The following C2orf49 variants were observed in gnomAD, a reference collection of about 807,000 sequenced individuals.
The protein encoded by C2orf49 is tRNA splicing ligase complex subunit 2, also known as tRNA-splicing ligase complex subunit ASW.
In C2orf49, 11 loss-of-function variants were observed where a neutral mutation model predicts 20.6. The ratio of observed to expected loss-of-function variants is 0.53; its 90% CI spans 0.34 to 0.88. C2orf49 has a LOEUF of 0.88. Among genes scored for constraint, C2orf49 ranks in the 40% least tolerant of loss-of-function variants. C2orf49 has a pLI of 0.02. For synonymous variants in C2orf49, 134 were observed against 108.5 expected (o/e 1.24, Z -1.46); for missense variants, 289 against 274.2 (o/e 1.05, Z -0.38).
the C2orf49 span, among the ~76,000 whole-genome samples, chr2:105,381,009 G>A: frequency 6.6e-6 from 1 of 152,086 alleles, no homozygotes; most frequent in African/African-American, 2.4e-5. Context: ...CTGAGCTTTA[G>A]TGGCAAGTGG....
At chr2:105,343,697 C>G (rs1679735206) in intron 3 of C2orf49, among the ~76,000 whole-genome samples, 1 of 152,136 alleles carries the variant, frequency 6.6e-6, no homozygotes, top group African/African-American at 2.4e-5. Flanking sequence ...CTTGCCTCGC[C>G]TACTGCTCAA....
rs970880866 is a variant in C2orf49, at chr2:105,337,701, A to C, written c.99+15A>C. 12 of 58,052 alleles carry C rather than the reference A, an allele frequency of 2.1e-4. No individual in the cohort carries two copies. Among genetic ancestry groups the C allele is most frequent in the Non-Finnish European group, 3.6e-4 (12 of 33,718 alleles). 3.6% of individuals were successfully genotyped at this position (58,052 alleles called of 1,614,324 possible). Reference sequence around the variant, plus strand: ...CTCTGGAGCAGGTTGGGCGCGCCGGATCGGAGGGTGGGCGGGTGGGCCTTC... The same window carrying C: ...CTCTGGAGCAGGTTGGGCGCGCCGGCTCGGAGGGTGGGCGGGTGGGCCTTC... On this transcript the variant is annotated intron_variant, in intron 1 of 3. Transcript: ENST00000258457.
In C2orf49 at chr2:105,339,669, G is replaced by A; in HGVS notation, c.186G>A (p.Gln62=). 6.2e-7 allele frequency: 1 copy of A among 1,609,556 alleles called. No homozygotes were observed. Among genetic ancestry groups the A allele is most frequent in the Non-Finnish European group, 8.5e-7 (1 of 1,179,142 alleles). ...LYVQHAIPLP[Q]RDLPKNRWGK... ...TCCAACATGCAATACCATTGCCTCAGAGGGATTTGCCGAAGAATAGATGGG... is the reference window on the plus strand; with the variant it reads ...TCCAACATGCAATACCATTGCCTCAAAGGGATTTGCCGAAGAATAGATGGG... Residue 62 remains glutamine, a synonymous_variant, in exon 2 of 4, where the codon CAG becomes CAA. Coordinates refer to ENST00000258457, the MANE Select transcript of C2orf49 (RefSeq NM_024093.3).
At chr2:105,376,500 A>G in the C2orf49 span, 8 of 152,366 alleles carry the variant, frequency 5.3e-5, no homozygotes, top group South Asian at 2.1e-4. Flanking sequence ...CACCCAAAAC[A>G]GTAATCTGCC....
chr2:105,381,071 A>C, the C2orf49 span, among the ~76,000 whole-genome samples: 6 of 152,234 alleles, frequency 3.9e-5, no homozygotes, highest in East Asian at 1.2e-3. Context: ...TCTGGGTGGC[A>C]GGGTCACCCA....
the C2orf49 span, chr2:105,367,511 A>G: frequency 2.0e-6 from 3 of 1,529,462 alleles, no homozygotes; most frequent in Non-Finnish European, 2.7e-6. Context: ...ACTGACAGAC[A>G]TGGACCATGG....
At chr2:105,384,751 A>C in the C2orf49 span, among the ~76,000 whole-genome samples, 8 of 152,096 alleles carry the variant, frequency 5.3e-5, no homozygotes, top group African/African-American at 1.9e-4. Flanking sequence ...CAATTGATTC[A>C]CCCGCCTTGG....
At chr2:105,356,933 ACT>A in the C2orf49 span, among the ~76,000 whole-genome samples, 6 of 151,874 alleles carry the variant, frequency 4.0e-5, no homozygotes, top group Non-Finnish European at 7.4e-5. Context: ...TCAACCATTA[ACT>A]CTTTTTTTCT....
chr2:105,368,133 T>C, the C2orf49 span, among the ~76,000 whole-genome samples: 2 of 152,186 alleles, frequency 1.3e-5, no homozygotes, highest in African/African-American at 4.8e-5. Flanking sequence ...ATTCACCTAT[T>C]GCACACCTGA....
At chr2:105,342,822 T>C in intron 2 of C2orf49, 26 bp from the exon 3 acceptor site, 1 of 1,581,772 alleles carries the variant, frequency 6.3e-7, no homozygotes. Flanking sequence ...ATGGTATTTT[T>C]CAAGAGTGCA....
the C2orf49 span, among the ~76,000 whole-genome samples, chr2:105,357,289 C>T: frequency 1.3e-5 from 2 of 151,958 alleles, no homozygotes; most frequent in African/African-American, 4.8e-5. Flanking sequence ...TCTGTTGTTC[C>T]GTCTTCAAGT....
chr2:105,380,466 T>C, the C2orf49 span, among the ~76,000 whole-genome samples: 1 of 152,192 alleles, frequency 6.6e-6, no homozygotes, highest in Admixed American at 6.5e-5. Flanking sequence ...TGGCCTTAAG[T>C]GATCCTCCTG....
At chr2:105,337,817 C>A in intron 1 of C2orf49, 131 bp downstream of exon 1, 1 of 741,556 alleles carries the variant, frequency 1.3e-6, no homozygotes, top group Non-Finnish European at 2.2e-6. Flanking sequence ...TCCACCCACA[C>A]AGACCAGGCA....
the C2orf49 span, chr2:105,361,243 T>C: frequency 2.3e-5 from 36 of 1,583,870 alleles, no homozygotes; most frequent in Non-Finnish European, 2.8e-5. Flanking sequence ...CATAAAAATC[T>C]GTGTGTGAGA....
the C2orf49 span, among the ~76,000 whole-genome samples, chr2:105,361,618 T>C: frequency 6.6e-6 from 1 of 152,176 alleles, no homozygotes; most frequent in Non-Finnish European, 1.5e-5. Flanking sequence ...GCCTGGAGGA[T>C]CTCGTGAATA....
chr2:105,368,984 G>A, the C2orf49 span, among the ~76,000 whole-genome samples: 3 of 152,200 alleles, frequency 2.0e-5, no homozygotes, highest in Admixed American at 6.5e-5. Context: ...GTTTACATCC[G>A]CTTTTAAGCT....
At chr2:105,368,679 G>C in the C2orf49 span, among the ~76,000 whole-genome samples, 3 of 152,216 alleles carry the variant, frequency 2.0e-5, no homozygotes, top group Non-Finnish European at 4.4e-5. Flanking sequence ...CTCACTGCAA[G>C]TGCTCGGTGT....
chr2:105,370,270 G>T, the C2orf49 span, among the ~76,000 whole-genome samples: 1,770 of 152,190 alleles, frequency 0.012, 31 homozygotes, highest in African/African-American at 0.041. Context: ...AGACACGTAG[G>T]AGGCTGAGGT....
At chr2:105,349,560 A>C (rs1679891095), downstream of C2orf49, among the ~76,000 whole-genome samples, 1 of 152,204 alleles carries the variant, frequency 6.6e-6, no homozygotes, top group Non-Finnish European at 1.5e-5. Context: ...TGGAATAAAA[A>C]ATAGAGATTA....
Sources: allele counts gnomAD v4.1 joint callset (sites outside exome capture counted in the v4.1 genomes callset), GRCh38; gene constraint gnomAD v4.1.1; transcripts MANE v1.5; gene names NCBI Gene and HGNC (gene_info 2026-07-23, HGNC 2026-07-21).